Variants in CYP19A1 observed in about 807,000 individuals in gnomAD.
CYP19A1 encodes cytochrome P450 family 19 subfamily A member 1.
Under a neutral mutation model 44.4 loss-of-function variants are expected in CYP19A1, and 32 were observed. The observed-to-expected ratio is 0.72, with a 90% CI of 0.54 to 0.97. The LOEUF is 0.97. Ranked by LOEUF, CYP19A1 falls within the 50% of genes least tolerant of loss-of-function variation. CYP19A1 has a pLI of 0.00. For synonymous variants in CYP19A1, 212 were observed against 215.6 expected, an observed-to-expected ratio of 0.98 and a Z score of 0.14; for missense variants, 598 against 637.8, an observed-to-expected ratio of 0.94 and a Z score of 0.67.
At chr15:51,301,989 G>T (rs889149635) in intron 1 of CYP19A1, among the ~76,000 whole-genome samples, 2 of 152,036 alleles carry the variant, frequency 1.3e-5, no homozygotes, top group African/African-American at 4.8e-5. Flanking sequence ...TAGCAACAGT[G>T]GGGAAAAAAA....
At chr15:51,243,311 T>C (rs1199091917) in intron 1 of CYP19A1, among the ~76,000 whole-genome samples, 1 of 152,224 alleles carries the variant, frequency 6.6e-6, no homozygotes, top group Non-Finnish European at 1.5e-5. Context: ...TGGAGTCATT[T>C]TGTGACTTCA....
intron 1 of CYP19A1, among the ~76,000 whole-genome samples, chr15:51,267,154 G>C (rs959106737): frequency 2.0e-5 from 3 of 152,038 alleles, no homozygotes; most frequent in African/African-American, 7.2e-5. Context: ...AGGGCGAATC[G>C]AGCCAGATTT....
chr15:51,221,010 G>T (rs999493435), intron 5 of CYP19A1, among the ~76,000 whole-genome samples: 1 of 151,494 alleles, frequency 6.6e-6, no homozygotes, highest in Admixed American at 6.6e-5. Context: ...GATTTGGGGG[G>T]ATTTATAGGT....
rs2030826628 is a variant in CYP19A1 at position 51,210,483 on chromosome 15, C to T, written c.*325G>A. 1 of 541,354 alleles carries T rather than the reference C, an allele frequency of 1.8e-6. No individual in the cohort carries two copies. The highest frequency in any genetic ancestry group is 3.6e-6 in the Non-Finnish European group (1 of 281,470). 33.5% of individuals were successfully genotyped at this position (541,354 alleles called of 1,614,324 possible). ...AGGCAGTAGAGCTCTACTGGGGAAC[C>T]AGACATACATTTTGTTAATGAAGGC... On this transcript the variant is annotated 3_prime_UTR_variant, in exon 10 of 10. Coordinates refer to ENST00000396402, the MANE Select transcript of CYP19A1 (RefSeq NM_000103.4).
At chr15:51,282,939 C>G (rs915672396) in intron 1 of CYP19A1, among the ~76,000 whole-genome samples, 1 of 152,168 alleles carries the variant, frequency 6.6e-6, no homozygotes, top group African/African-American at 2.4e-5. Flanking sequence ...TGTTATCACT[C>G]TTTAGTACGG....
chr15:51,289,896 G>A (rs2035803624), intron 1 of CYP19A1, among the ~76,000 whole-genome samples: 1 of 152,170 alleles, frequency 6.6e-6, no homozygotes, highest in Admixed American at 6.5e-5. Context: ...ACCAGTCCCA[G>A]CAGAGGCTGG....
intron 1 of CYP19A1, among the ~76,000 whole-genome samples, chr15:51,261,204 T>A (rs753682841): frequency 3.3e-5 from 5 of 152,194 alleles, no homozygotes; most frequent in Non-Finnish European, 7.3e-5. Context: ...CTAATAGAGC[T>A]ATAACACTCA....
intron 5 of CYP19A1, among the ~76,000 whole-genome samples, chr15:51,220,233 C>T (rs1233063755): frequency 1.3e-5 from 2 of 152,172 alleles, no homozygotes; most frequent in Admixed American, 6.5e-5. Flanking sequence ...TTCTAACCAC[C>T]CTCTCCATGA....
chr15:51,330,428 A>C (rs1426351718), intron 1 of CYP19A1, among the ~76,000 whole-genome samples: 2 of 152,186 alleles, frequency 1.3e-5, no homozygotes, highest in Non-Finnish European at 2.9e-5. Flanking sequence ...TGCACAACTG[A>C]TCAGTAAAAT....
At chr15:51,294,252 C>A (rs1326465658) in intron 1 of CYP19A1, among the ~76,000 whole-genome samples, 1 of 139,858 alleles carries the variant, frequency 7.2e-6, no homozygotes, top group African/African-American at 3.1e-5. Flanking sequence ...GGCCACCATC[C>A]CATCTAGGAA....
chr15:51,328,618 C>A (rs2036651762), intron 1 of CYP19A1, among the ~76,000 whole-genome samples: 2 of 151,514 alleles, frequency 1.3e-5, no homozygotes, highest in Admixed American at 1.3e-4. Context: ...TGACTTCCAA[C>A]AGCTGGAGTT....
intron 1 of CYP19A1, among the ~76,000 whole-genome samples, chr15:51,294,837 G>A (rs1255479288): frequency 3.9e-5 from 6 of 152,096 alleles, no homozygotes; most frequent in Non-Finnish European, 8.8e-5. Flanking sequence ...ACAGCTCATT[G>A]AGAACGGGCC....
At chr15:51,306,679 A>G (rs2036222280) in intron 1 of CYP19A1, among the ~76,000 whole-genome samples, 1 of 152,264 alleles carries the variant, frequency 6.6e-6, no homozygotes, top group African/African-American at 2.4e-5. Context: ...TATTCTGTGA[A>G]AAAGCACGGC....
intron 1 of CYP19A1, among the ~76,000 whole-genome samples, chr15:51,270,704 A>G (rs545496538): frequency 3.9e-5 from 6 of 152,336 alleles, no homozygotes; most frequent in African/African-American, 1.2e-4. Context: ...CAGGGTCTCA[A>G]CAGTTGGTTT....
At chr15:51,272,396 G>A (rs546597868) in intron 1 of CYP19A1, among the ~76,000 whole-genome samples, 1 of 152,156 alleles carries the variant, frequency 6.6e-6, no homozygotes, top group African/African-American at 2.4e-5. Context: ...ATCTAGACCA[G>A]TGCCAGGTAC....
At chr15:51,289,937 T>C (rs1298613749) in intron 1 of CYP19A1, among the ~76,000 whole-genome samples, 2 of 152,106 alleles carry the variant, frequency 1.3e-5, no homozygotes, top group Non-Finnish European at 2.9e-5. Flanking sequence ...CACCCCCAAC[T>C]TCCCACCATG....
chr15:51,235,158 C>A (rs1480997196), intron 3 of CYP19A1, among the ~76,000 whole-genome samples: 1 of 152,096 alleles, frequency 6.6e-6, no homozygotes, highest in Admixed American at 6.5e-5. Context: ...AAAATGAGAA[C>A]GTATCAAGAA....
intron 1 of CYP19A1, among the ~76,000 whole-genome samples, chr15:51,328,524 G>A (rs2036648117): frequency 6.6e-6 from 1 of 151,388 alleles, no homozygotes; most frequent in South Asian, 2.1e-4. Flanking sequence ...ACCCTCACTG[G>A]GAATCCTGAG....
intron 1 of CYP19A1, among the ~76,000 whole-genome samples, chr15:51,249,664 C>T (rs982249712): frequency 2.8e-4 from 42 of 152,186 alleles, no homozygotes; most frequent in African/African-American, 9.2e-4. Flanking sequence ...ATGAGAATCA[C>T]AGTTCTCTAG....
Sources: allele counts gnomAD v4.1 joint callset (sites outside exome capture counted in the v4.1 genomes callset), GRCh38; gene constraint gnomAD v4.1.1; transcripts MANE v1.5; gene names NCBI Gene and HGNC (gene_info 2026-07-23, HGNC 2026-07-21).